Variants in EDA observed in about 807,000 individuals in gnomAD.
The protein encoded by EDA is ectodysplasin-A.
A neutral mutation model predicts 23.6 loss-of-function variants in EDA; 2 were observed. The observed-to-expected ratio is 0.08, with a 90% CI of 0.03 to 0.27. The LOEUF is 0.27. EDA is among the 10% of genes least tolerant of loss of function. The pLI is 1.00. For missense variants in EDA, 229 were observed against 324.2 expected (o/e 0.71, Z 2.26); for synonymous variants, 131 against 132.0 (o/e 0.99, Z 0.05).
intron 1 of EDA, among the ~76,000 whole-genome samples, chrX:69,662,345 T>C (rs1933538603): frequency 1.9e-5 from 1 of 52,600 alleles, no homozygotes; most frequent in Non-Finnish European, 2.8e-5. Context: ...TCCTGTGCTG[T>C]TCTCATGATA....
chrX:69,679,816 T>G (rs868074157), intron 1 of EDA, among the ~76,000 whole-genome samples: 1 of 110,160 alleles, frequency 9.1e-6, no homozygotes, highest in South Asian at 4.0e-4. Flanking sequence ...GTGTCTCTAT[T>G]TCCTTCAGTT....
chrX:69,655,986 C>T (rs1296985928), intron 1 of EDA, among the ~76,000 whole-genome samples: 1 of 106,786 alleles, frequency 9.4e-6, no homozygotes, highest in African/African-American at 3.5e-5. Flanking sequence ...CCTTGCCCAC[C>T]ATCTAACCTA....
chrX:70,025,431 G>A (rs1276985794), intron 3 of EDA, among the ~76,000 whole-genome samples: 2 of 110,988 alleles, frequency 1.8e-5, no homozygotes, highest in Admixed American at 1.9e-4. Flanking sequence ...TTACAACCAG[G>A]CTAAGAAAGC....
At chrX:69,708,074 T>C (rs2011806989) in intron 1 of EDA, among the ~76,000 whole-genome samples, 1 of 111,783 alleles carries the variant, frequency 8.9e-6, no homozygotes, top group Admixed American at 9.5e-5. Flanking sequence ...TGGGGGTCAC[T>C]GGAGTTCTAC....
chrX:69,785,489 G>C (rs1285542845), intron 1 of EDA, among the ~76,000 whole-genome samples: 1 of 107,600 alleles, frequency 9.3e-6, no homozygotes, highest in Non-Finnish European at 1.9e-5. Flanking sequence ...TTTATTGAGA[G>C]TTTTTAGCAT....
chrX:69,920,897 T>G (rs979248831), intron 1 of EDA, among the ~76,000 whole-genome samples: 1 of 112,116 alleles, frequency 8.9e-6, no homozygotes, highest in Non-Finnish European at 1.9e-5. Flanking sequence ...TGGTGAAGTA[T>G]CTACATAAAT....
chrX:69,862,532 C>T (rs1442751245), intron 1 of EDA, among the ~76,000 whole-genome samples: 1 of 111,545 alleles, frequency 9.0e-6, no homozygotes, highest in Non-Finnish European at 1.9e-5. Context: ...GCAGTCTCAA[C>T]CTCCTGGGCT....
rs558536781 is a variant in EDA, at chrX:69,864,526, A to C, written c.397-92501A>C. ...CAAATGAGAAGGAACCAGAAAAACAATTCTGGTAATAGGACAAAACAATGT... is the reference window on the plus strand; with the variant it reads ...CAAATGAGAAGGAACCAGAAAAACACTTCTGGTAATAGGACAAAACAATGT... On this transcript the variant is annotated intron_variant, in intron 1 of 7. Coordinates refer to ENST00000374552, the MANE Select transcript of EDA (RefSeq NM_001399.5). 1.9e-4 allele frequency among the ~76,000 whole-genome samples: 21 copies of C among 111,788 alleles called. No homozygotes were observed. The South Asian group carries it at 7.9e-3, about 42-fold the overall frequency.
intron 2 of EDA, among the ~76,000 whole-genome samples, chrX:70,015,506 G>A (rs2019935869): frequency 9.0e-6 from 1 of 111,326 alleles, no homozygotes; most frequent in Non-Finnish European, 1.9e-5. Flanking sequence ...CCAGGAGGCG[G>A]AGGTTGCAGT....
intron 1 of EDA, among the ~76,000 whole-genome samples, chrX:69,950,695 T>C (rs1272500388): frequency 1.2e-5 from 1 of 84,663 alleles, no homozygotes; most frequent in Non-Finnish European, 2.3e-5. Flanking sequence ...CCAACCCAAA[T>C]ATCCAACAAT....
chrX:69,908,471 G>GTA (rs750685735), intron 1 of EDA, among the ~76,000 whole-genome samples: 3,761 of 103,464 alleles, frequency 0.036, 85 homozygotes, highest in African/African-American at 0.091. Context: ...GATATAAAAA[G>GTA]TATATATATA....
At chrX:70,023,702 A>G (rs1019952167) in intron 3 of EDA, among the ~76,000 whole-genome samples, 5 of 108,962 alleles carry the variant, frequency 4.6e-5, no homozygotes, top group African/African-American at 1.7e-4. Flanking sequence ...ATCCTGTGTC[A>G]CCATGTAGGA....
intron 3 of EDA, among the ~76,000 whole-genome samples, chrX:70,024,683 C>T (rs1295810949): frequency 8.9e-6 from 1 of 112,007 alleles, no homozygotes; most frequent in Non-Finnish European, 1.9e-5. Context: ...TGAATAGGCA[C>T]ATGCTTGAAG....
chrX:69,678,631 G>A (rs1453120103), intron 1 of EDA, among the ~76,000 whole-genome samples: 2 of 105,548 alleles, frequency 1.9e-5, no homozygotes, highest in African/African-American at 3.5e-5. Context: ...TTTGTCTGTT[G>A]TTGGTGTATA....
chrX:69,750,898 A>G (rs1432625802), intron 1 of EDA, among the ~76,000 whole-genome samples: 1 of 111,325 alleles, frequency 9.0e-6, no homozygotes, highest in Non-Finnish European at 1.9e-5. Context: ...AAATTTGTTT[A>G]AGTTCTTCAT....
chrX:69,647,893 T>C (rs1318443326), intron 1 of EDA, among the ~76,000 whole-genome samples: 1 of 112,050 alleles, frequency 8.9e-6, no homozygotes, highest in African/African-American at 3.2e-5. Flanking sequence ...GTTGATGTTG[T>C]TATTGTTGTT....
chrX:69,812,702 C>T (rs767885165), intron 1 of EDA, among the ~76,000 whole-genome samples: 8 of 111,596 alleles, frequency 7.2e-5, no homozygotes, highest in African/African-American at 2.6e-4. Flanking sequence ...AATACCTTTA[C>T]TAGGTATTCT....
chrX:69,804,376 G>A (rs2015766280), intron 1 of EDA, among the ~76,000 whole-genome samples: 1 of 111,137 alleles, frequency 9.0e-6, no homozygotes, highest in South Asian at 3.7e-4. Flanking sequence ...CTTCTCAAAA[G>A]ATTGCAGAAA....
At chrX:69,616,947 T>G in intron 1 of EDA, 1 of 438,985 alleles carries the variant, frequency 2.3e-6, no homozygotes, top group Non-Finnish European at 4.0e-6. Context: ...CCGCGGCCCC[T>G]GGCTGCGGGC....
Sources: gnomAD v4.1 joint callset for allele counts (sites outside exome capture counted in the v4.1 genomes callset) on GRCh38, gnomAD v4.1.1 for gene constraint, MANE v1.5 for transcripts, NCBI Gene and HGNC (gene_info 2026-07-23, HGNC 2026-07-21) for gene names.